The following LRP1B variants were observed in gnomAD, a reference collection of about 807,000 sequenced individuals.
The protein encoded by LRP1B is LDL receptor related protein 1B.
LRP1B carries 217 observed loss-of-function variants against 556.6 expected under a neutral mutation model. The observed-to-expected ratio is 0.39, with a 90% confidence interval of 0.35 to 0.44. The LOEUF (loss-of-function observed/expected upper bound fraction) is 0.44, where lower values mean the gene tolerates loss of function less well. Among genes scored for constraint, LRP1B ranks in the 20% least tolerant of loss-of-function variants. LRP1B has a pLI of 1.00. For synonymous variants in LRP1B, 2,047 were observed against 1,865.8 expected (o/e 1.10, Z -2.50); for missense variants, 5,053 against 5,620.8 (o/e 0.90, Z 3.23).
chr2:141,894,837 G>T lies in LRP1B; in HGVS notation c.83-84436C>A, dbSNP rs140122692. ...GGCTGAGGCAGACAGATCACTTTAA[G>T]TTGGGAGTTCGAGACCAGCCTGACC... On this transcript the variant is annotated intron_variant, in intron 1 of 90. Coordinates refer to ENST00000389484, the MANE Select transcript of LRP1B (RefSeq NM_018557.3). 9.3e-4 allele frequency among the ~76,000 whole-genome samples: 141 copies of T among 151,974 alleles called. 3 individuals are homozygous for T. In the East Asian group the frequency reaches 0.025, roughly 27 times the overall value.
intron 1 of LRP1B, among the ~76,000 whole-genome samples, chr2:141,931,101 C>T (rs1211224902): frequency 1.3e-5 from 2 of 152,006 alleles, no homozygotes; most frequent in Admixed American, 1.3e-4. Flanking sequence ...TGTTAGAATA[C>T]ATACACATTC....
chr2:141,318,680 T>C (rs1687119199), intron 3 of LRP1B, among the ~76,000 whole-genome samples: 1 of 152,016 alleles, frequency 6.6e-6, no homozygotes, highest in Non-Finnish European at 1.5e-5. Flanking sequence ...ACTTCAAAGG[T>C]TAGTTTAAGT....
intron 20 of LRP1B, among the ~76,000 whole-genome samples, chr2:140,945,030 C>G (rs1319273294): frequency 2.0e-5 from 3 of 151,912 alleles, no homozygotes; most frequent in Non-Finnish European, 4.4e-5. Flanking sequence ...GGCAACTAGC[C>G]CAGATAAGTG....
chr2:142,110,226 T>C (rs1039920565), intron 1 of LRP1B, among the ~76,000 whole-genome samples: 7 of 152,064 alleles, frequency 4.6e-5, no homozygotes, highest in African/African-American at 1.7e-4. Context: ...GCATAAAAAG[T>C]AAAATAGATG....
intron 71 of LRP1B, among the ~76,000 whole-genome samples, chr2:140,369,233 C>T (rs1558834400): frequency 2.0e-5 from 3 of 151,796 alleles, no homozygotes; most frequent in South Asian, 2.1e-4. Flanking sequence ...CTGACATAAT[C>T]GGAAGGACAC....
chr2:140,971,856 A>G (rs1696436683), intron 18 of LRP1B, among the ~76,000 whole-genome samples: 1 of 152,136 alleles, frequency 6.6e-6, no homozygotes, highest in South Asian at 2.1e-4. Context: ...GAATCACATG[A>G]GATTATTTTT....
At chr2:141,924,955 T>C (rs1700295236) in intron 1 of LRP1B, among the ~76,000 whole-genome samples, 1 of 152,174 alleles carries the variant, frequency 6.6e-6, no homozygotes, top group African/African-American at 2.4e-5. Flanking sequence ...TATTAATTGG[T>C]TGGTATTTAT....
intron 1 of LRP1B, among the ~76,000 whole-genome samples, chr2:142,078,145 A>C (rs1428912489): frequency 6.6e-6 from 1 of 152,126 alleles, no homozygotes; most frequent in East Asian, 1.9e-4. Flanking sequence ...CATACATCAG[A>C]TTCATTACAG....
chr2:141,966,158 G>T (rs529245411), intron 1 of LRP1B, among the ~76,000 whole-genome samples: 2 of 151,846 alleles, frequency 1.3e-5, no homozygotes, highest in East Asian at 3.9e-4. Context: ...TTTATTCAGT[G>T]ACTATTTGAG....
chr2:140,302,212 G>T (rs960268756), intron 83 of LRP1B, among the ~76,000 whole-genome samples: 1 of 151,938 alleles, frequency 6.6e-6, no homozygotes, highest in African/African-American at 2.4e-5. Flanking sequence ...CCAATTTTAT[G>T]GCTTAAATAT....
chr2:142,084,409 A>G (rs1574666894), intron 1 of LRP1B, among the ~76,000 whole-genome samples: 1 of 152,238 alleles, frequency 6.6e-6, no homozygotes, highest in South Asian at 2.1e-4. Flanking sequence ...TTTTCTTGCT[A>G]GGTCTCCACT....
chr2:141,025,542 C>T (rs922017069), intron 11 of LRP1B, among the ~76,000 whole-genome samples: 1 of 152,000 alleles, frequency 6.6e-6, no homozygotes, highest in Admixed American at 6.6e-5. Context: ...TCGCCTCATC[C>T]AATCAGTTGA....
intron 18 of LRP1B, among the ~76,000 whole-genome samples, chr2:140,960,865 A>G (rs1282268070): frequency 6.6e-6 from 1 of 151,988 alleles, no homozygotes; most frequent in Non-Finnish European, 1.5e-5. Context: ...ATTGAAAATC[A>G]TTGTAAATTA....
chr2:140,562,395 C>T (rs115121953), intron 43 of LRP1B, among the ~76,000 whole-genome samples: 208 of 152,138 alleles, frequency 1.4e-3, no homozygotes, highest in African/African-American at 4.8e-3. Flanking sequence ...TTTATAGATA[C>T]AAAGTACTAA....
At chr2:140,543,640 A>T (rs1379872855) in intron 43 of LRP1B, among the ~76,000 whole-genome samples, 2 of 151,956 alleles carry the variant, frequency 1.3e-5, no homozygotes, top group Admixed American at 1.3e-4. Flanking sequence ...CTTCTATTTA[A>T]CATTATCCTG....
chr2:140,852,329 A>C (rs954963887), intron 27 of LRP1B, among the ~76,000 whole-genome samples: 9 of 152,224 alleles, frequency 5.9e-5, no homozygotes, highest in Non-Finnish European at 1.2e-4. Flanking sequence ...TCCATCTCAA[A>C]AAGAAACAAA....
chr2:141,280,559 A>G (rs1475193114), intron 3 of LRP1B, among the ~76,000 whole-genome samples: 1 of 151,958 alleles, frequency 6.6e-6, no homozygotes, highest in African/African-American at 2.4e-5. Flanking sequence ...AATAATAAAT[A>G]ATTTTCTATT....
chr2:141,663,475 C>T (rs946997867), intron 2 of LRP1B, among the ~76,000 whole-genome samples: 2 of 151,440 alleles, frequency 1.3e-5, no homozygotes, highest in Admixed American at 6.6e-5. Context: ...GAGAAGAATC[C>T]GATAGACACA....
At chr2:141,086,629 T>A (rs879889311) in intron 7 of LRP1B, among the ~76,000 whole-genome samples, 192 of 77,528 alleles carry the variant, frequency 2.5e-3, no homozygotes, top group Non-Finnish European at 5.5e-3. Flanking sequence ...TGTGTGTGTG[T>A]GTGTGTGTGT....
Sources: allele counts gnomAD v4.1 joint callset (sites outside exome capture counted in the v4.1 genomes callset), GRCh38; gene constraint gnomAD v4.1.1; transcripts MANE v1.5; gene names NCBI Gene and HGNC (gene_info 2026-07-23, HGNC 2026-07-21).